Variants in CACNG4 observed in about 807,000 individuals in gnomAD.
CACNG4 encodes the protein calcium voltage-gated channel auxiliary subunit gamma 4.
A neutral mutation model predicts 22.9 loss-of-function variants in CACNG4; 8 were observed. The ratio of observed to expected loss-of-function variants is 0.35; its 90% CI spans 0.21 to 0.63. The LOEUF is 0.63. Among genes scored for constraint, CACNG4 ranks in the 30% least tolerant of loss-of-function variants. The pLI is 0.72. For missense variants in CACNG4, 357 were observed against 455.4 expected (o/e 0.78, Z 1.97); for synonymous variants, 188 against 191.9 (o/e 0.98, Z 0.17).
At chr17:66,983,612 A>G (rs1176950566) in intron 1 of CACNG4, among the ~76,000 whole-genome samples, 1 of 152,194 alleles carries the variant, frequency 6.6e-6, no homozygotes, top group Non-Finnish European at 1.5e-5. Flanking sequence ...CATGCAGTCT[A>G]AAGAGAAAGG....
intron 1 of CACNG4, among the ~76,000 whole-genome samples, chr17:67,004,422 G>A (rs1175685667): frequency 1.3e-5 from 2 of 152,170 alleles, no homozygotes; most frequent in African/African-American, 4.8e-5. Context: ...AGCCAGATGA[G>A]ACCTCAGATG....
intron 1 of CACNG4, among the ~76,000 whole-genome samples, chr17:67,017,761 C>T (rs2035508326): frequency 6.6e-6 from 1 of 152,082 alleles, no homozygotes; most frequent in South Asian, 2.1e-4. Context: ...CCTGATCCAC[C>T]CACCTCGGCC....
intron 1 of CACNG4, among the ~76,000 whole-genome samples, chr17:66,989,015 C>T (rs1229775304): frequency 7.5e-6 from 1 of 134,156 alleles, no homozygotes; most frequent in Non-Finnish European, 1.5e-5. Context: ...GAGCCAAGAT[C>T]ATGCCACTGT....
chr17:66,989,060 CAA>C (rs35041834), intron 1 of CACNG4, among the ~76,000 whole-genome samples: 1,968 of 63,194 alleles, frequency 0.031, 15 homozygotes, highest in Middle Eastern at 0.083. Flanking sequence ...GACTCTGCCT[CAA>C]AAAAAAAAAA....
chr17:67,005,804 T>G (rs1385705143), intron 1 of CACNG4, among the ~76,000 whole-genome samples: 1 of 152,194 alleles, frequency 6.6e-6, no homozygotes, highest in Non-Finnish European at 1.5e-5. Context: ...AGGTGGGGTC[T>G]TGGGGACAGG....
At chr17:66,986,284 C>A (rs908052081) in intron 1 of CACNG4, among the ~76,000 whole-genome samples, 1 of 152,204 alleles carries the variant, frequency 6.6e-6, no homozygotes, top group Non-Finnish European at 1.5e-5. Context: ...GAGGGTCTCA[C>A]CAAGGGGACA....
At position 66,964,856 on chromosome 17, in the gene CACNG4, G is replaced by A; in HGVS notation, c.-56G>A. ...CCCGGAGCGGCGCGCGGAGGGAGGAGGGCGGGCGGGCGCGGCGGGCCGGGC... is the reference window on the plus strand; with the variant it reads ...CCCGGAGCGGCGCGCGGAGGGAGGAAGGCGGGCGGGCGCGGCGGGCCGGGC... On this transcript the variant is annotated 5_prime_UTR_variant, in exon 1 of 4. Coordinates refer to ENST00000262138, the MANE Select transcript of CACNG4 (RefSeq NM_014405.4). 11 of 1,137,110 alleles carry A rather than the reference G, an allele frequency of 9.7e-6. No individual in the cohort carries two copies. The highest frequency in any genetic ancestry group is 1.2e-5 in the Non-Finnish European group (11 of 904,564). 70.4% of individuals were successfully genotyped at this position (1,137,110 alleles called of 1,614,324 possible).
intron 1 of CACNG4, among the ~76,000 whole-genome samples, chr17:66,994,269 G>A (rs148377155): frequency 1.4e-3 from 207 of 150,544 alleles, no homozygotes; most frequent in African/African-American, 4.9e-3. Context: ...TGAGGCTGCA[G>A]TGAGGTATGA....
chr17:66,981,799 T>A (rs2035275461), intron 1 of CACNG4, among the ~76,000 whole-genome samples: 1 of 152,208 alleles, frequency 6.6e-6, no homozygotes, highest in Admixed American at 6.5e-5. Context: ...CCAAGCACAT[T>A]AGGTATTATC....
chr17:66,995,743 G>A (rs1445699013), intron 1 of CACNG4, among the ~76,000 whole-genome samples: 2 of 152,032 alleles, frequency 1.3e-5, no homozygotes, highest in Admixed American at 6.5e-5. Context: ...CTAGCTACTC[G>A]GGAGGCTGAG....
intron 1 of CACNG4, among the ~76,000 whole-genome samples, chr17:66,990,670 ATTTTATTTTAT>A (rs1055659935): frequency 2.8e-5 from 4 of 142,906 alleles, no homozygotes; most frequent in Middle Eastern, 3.9e-3. Context: ...ATTTTATTTT[ATTTTATTTTAT>A]TTTATTTATT....
chr17:66,983,695 C>T (rs2035289721), intron 1 of CACNG4, among the ~76,000 whole-genome samples: 1 of 152,180 alleles, frequency 6.6e-6, no homozygotes, highest in Non-Finnish European at 1.5e-5. Context: ...TCATTCTGCT[C>T]GAGACAGATC....
chr17:67,026,337 TTGTG>T (rs1257234628), intron 3 of CACNG4, among the ~76,000 whole-genome samples: 2 of 138,096 alleles, frequency 1.4e-5, no homozygotes, highest in Non-Finnish European at 3.2e-5. Flanking sequence ...ACTGGTGGGT[TTGTG>T]TGTGTGAGCA....
chr17:67,000,546 G>A (rs144099994), intron 1 of CACNG4, among the ~76,000 whole-genome samples: 67 of 152,274 alleles, frequency 4.4e-4, no homozygotes, highest in African/African-American at 1.5e-3. Flanking sequence ...GGTGCAGGGC[G>A]CCTGCTCTGG....
rs544383782 is a variant in CACNG4, at chr17:66,976,038, T to C, written c.220+10907T>C. ...TGATACTCAGGAACAGAGACAGCGC[T>C]CGTGGGGGTTGTGACTGACCCTCGC... On this transcript the variant is annotated intron_variant, in intron 1 of 3. Coordinates refer to ENST00000262138, the MANE Select transcript of CACNG4 (RefSeq NM_014405.4). Among the ~76,000 whole-genome samples, 254 of 152,268 alleles carry C rather than the reference T, an allele frequency of 1.7e-3. 1 individual carries two copies. Among genetic ancestry groups the C allele is most frequent in the Middle Eastern group, 0.01 (3 of 294 alleles).
chr17:66,998,686 C>T (rs976084889), intron 1 of CACNG4, among the ~76,000 whole-genome samples: 4 of 152,212 alleles, frequency 2.6e-5, no homozygotes, highest in Non-Finnish European at 5.9e-5. Context: ...AGGGCCAGAC[C>T]CTGGGCCTTG....
At chr17:66,985,139 C>T (rs1434596838) in intron 1 of CACNG4, among the ~76,000 whole-genome samples, 2 of 152,122 alleles carry the variant, frequency 1.3e-5, no homozygotes, top group African/African-American at 4.8e-5. Context: ...GGGGCTCCCA[C>T]CACCCGCCCT....
intron 3 of CACNG4, among the ~76,000 whole-genome samples, chr17:67,025,454 G>T (rs1050148744): frequency 6.6e-6 from 1 of 152,238 alleles, no homozygotes; most frequent in South Asian, 2.1e-4. Context: ...GAAGGAGTTG[G>T]CCAGGTAAAG....
At position 67,031,754 on chromosome 17, in the gene CACNG4, C is replaced by G. The variant is rs1164809780; in HGVS notation, c.*750C>G. On this transcript the variant is annotated 3_prime_UTR_variant, in exon 4 of 4. Transcript: ENST00000262138. This position sits in a 1 kb window ranked among gnomAD's most constrained non-coding sequence, Gnocchi z 4.0. ...TCACTCAGAATGGGCAGGACAGACC[C>G]ACTGACTGGACTTCAGAGTCTGGAG... 1 of 456,776 alleles carries G rather than the reference C, an allele frequency of 2.2e-6. No individual in the cohort carries two copies. The highest frequency in any genetic ancestry group is 4.4e-6 in the Non-Finnish European group (1 of 226,984). 28.3% of individuals were successfully genotyped at this position (456,776 alleles called of 1,614,324 possible). A position where few individuals can be genotyped will look rare whatever the true frequency, so the allele number is the denominator to read the frequency against.
Sources: allele counts gnomAD v4.1 joint callset (sites outside exome capture counted in the v4.1 genomes callset), GRCh38; gene constraint gnomAD v4.1.1; non-coding constraint Gnocchi (gnomAD v3.1); transcripts MANE v1.5; gene names NCBI Gene and HGNC (gene_info 2026-07-23, HGNC 2026-07-21).